The following LPCAT1 variants were observed in gnomAD, a reference collection of about 807,000 sequenced individuals.
The protein encoded by LPCAT1 is lysophosphatidylcholine acyltransferase 1, also known as 1-acylglycerol-3-phosphate O-acyltransferase.
In LPCAT1, 23 loss-of-function variants were observed where a neutral mutation model predicts 60.9. The ratio of observed to expected loss-of-function variants is 0.38; its 90% CI spans 0.27 to 0.53. The LOEUF (loss-of-function observed/expected upper bound fraction) is 0.53. LPCAT1 is among the 20% of genes least tolerant of loss of function. The pLI, the probability that LPCAT1 is intolerant of heterozygous loss-of-function variation, is 0.82. For missense variants in LPCAT1, 622 were observed against 723.6 expected, an observed-to-expected ratio of 0.86 and a Z score of 1.61; for synonymous variants, 340 against 301.1, an observed-to-expected ratio of 1.13 and a Z score of -1.34.
Position 1,483,263 on chromosome 5 carries a change from G to A in LPCAT1, c.726+165C>T, listed in dbSNP as rs1735231827. On this transcript the variant is annotated intron_variant, in intron 6 of 13. Transcript: ENST00000283415. This position sits in a 1 kb window ranked among gnomAD's most constrained non-coding sequence, Gnocchi z 9.2. The stretch of plus-strand genomic sequence containing the variant: ...CGAGCCCAGGGCCCGGGCCTGTCCT[G>A]CCCTCTCCAGCGCTGAGGCCGGATG... Among the ~76,000 whole-genome samples, 1 of 152,168 alleles carries A rather than the reference G, an allele frequency of 6.6e-6. No individual in the cohort carries two copies. Among genetic ancestry groups the A allele is most frequent in the Admixed American group, 6.5e-5 (1 of 15,290 alleles).
At chr5:1,491,130 T>C (rs1412631143) in intron 3 of LPCAT1, among the ~76,000 whole-genome samples, 1 of 128,530 alleles carries the variant, frequency 7.8e-6, no homozygotes, top group East Asian at 2.0e-4. Flanking sequence ...GTCTTTCCTA[T>C]GTCTTGAATC....
At chr5:1,466,211 C>T (rs903924785) in intron 13 of LPCAT1, among the ~76,000 whole-genome samples, 1 of 152,212 alleles carries the variant, frequency 6.6e-6, no homozygotes, top group African/African-American at 2.4e-5. Context: ...ATATCAACCG[C>T]CATTACCGAC....
chr5:1,503,489 T>C (rs1736089794), intron 1 of LPCAT1, among the ~76,000 whole-genome samples: 1 of 152,210 alleles, frequency 6.6e-6, no homozygotes, highest in African/African-American at 2.4e-5. Flanking sequence ...ACGGCCACGG[T>C]CTCTCTAATA....
At position 1,523,492 on chromosome 5, in the gene LPCAT1, G is replaced by C. The variant is rs1266782475; in HGVS notation, c.135+218C>G. Among the ~76,000 whole-genome samples, 2 of 151,510 alleles carry C rather than the reference G, an allele frequency of 1.3e-5. No homozygotes were observed. The highest frequency in any genetic ancestry group is 2.1e-4 in the South Asian group (1 of 4,832). On this transcript the variant is annotated intron_variant, in intron 1 of 13. Transcript: ENST00000283415. This position sits in a 1 kb window ranked among gnomAD's most constrained non-coding sequence, Gnocchi z 7.1. ...AAGGCGCTGAGGGACCAGGATGCGC[G>C]TGCGGGCGGCGGGAAGCCGGCGCCG...
intron 1 of LPCAT1, among the ~76,000 whole-genome samples, chr5:1,519,113 G>T (rs543802823): frequency 6.6e-6 from 1 of 152,226 alleles, no homozygotes; most frequent in Non-Finnish European, 1.5e-5. Flanking sequence ...TCTTTCTCAC[G>T]ATGAAACAGG....
At chr5:1,515,082 G>T (rs1266901376) in intron 1 of LPCAT1, among the ~76,000 whole-genome samples, 1 of 152,062 alleles carries the variant, frequency 6.6e-6, no homozygotes, top group South Asian at 2.1e-4. Context: ...AGCACATCCT[G>T]CATCAGGGGA....
At chr5:1,472,250 G>A (rs1734712051) in intron 11 of LPCAT1, among the ~76,000 whole-genome samples, 1 of 151,372 alleles carries the variant, frequency 6.6e-6, no homozygotes, top group Non-Finnish European at 1.5e-5. Context: ...GAGAGCTGGG[G>A]GTGAGGAGCA....
At chr5:1,472,511 C>G (rs1003841707) in intron 11 of LPCAT1, among the ~76,000 whole-genome samples, 1 of 151,930 alleles carries the variant, frequency 6.6e-6, no homozygotes, top group African/African-American at 2.4e-5. Context: ...GGTCTGAGGT[C>G]CTGGGTGTAA....
chr5:1,501,195 G>A (rs1356339791), intron 2 of LPCAT1, among the ~76,000 whole-genome samples: 1 of 152,246 alleles, frequency 6.6e-6, no homozygotes, highest in Admixed American at 6.5e-5. Flanking sequence ...CTGTGCTCAA[G>A]GGTGTGAAAC....
At position 1,480,206 on chromosome 5, in the gene LPCAT1, C is replaced by T. The variant is rs1012293017; in HGVS notation, c.762-531G>A. 5 of 403,218 alleles carry T rather than the reference C, an allele frequency of 1.2e-5. No individual in the cohort carries two copies. The highest frequency in any genetic ancestry group is 1.6e-4 in the East Asian group (1 of 6,236). 25.0% of individuals were successfully genotyped at this position (403,218 alleles called of 1,614,324 possible). A position where few individuals can be genotyped will look rare whatever the true frequency, so the allele number is the denominator to read the frequency against. ...CATGCCAGCCCCAGCCCTAGGCCCC[C>T]GGGACCCCAGAACCCCTATACCCCC... On this transcript the variant is annotated intron_variant, in intron 7 of 13. Transcript: ENST00000283415. The surrounding 1 kb of genome is among the most constrained non-coding windows in gnomAD (Gnocchi z 6.4).
chr5:1,469,309 C>T (rs893485419), intron 12 of LPCAT1, among the ~76,000 whole-genome samples: 2 of 152,186 alleles, frequency 1.3e-5, no homozygotes, highest in East Asian at 1.9e-4. Context: ...CCCCAGTGGG[C>T]GTCCTCAACC....
At chr5:1,471,625 G>C (rs1734672314) in intron 11 of LPCAT1, among the ~76,000 whole-genome samples, 2 of 151,938 alleles carry the variant, frequency 1.3e-5, no homozygotes, top group Admixed American at 6.5e-5. Context: ...AGCAGGAGAT[G>C]AAGGGCAACC....
chr5:1,509,435 G>T (rs1273201550), intron 1 of LPCAT1, among the ~76,000 whole-genome samples: 1 of 152,260 alleles, frequency 6.6e-6, no homozygotes, highest in East Asian at 1.9e-4. Context: ...GGCGCCTGCT[G>T]TCCAAGGTCT....
Position 1,519,475 on chromosome 5 carries a change from C to T in LPCAT1, c.135+4235G>A, listed in dbSNP as rs147130581. ...TAACCACAACTAAGTTTCACGAGTG[C>T]GTCATTCGGAAAATTCATTCGGAAA... On this transcript the variant is annotated intron_variant, in intron 1 of 13. Coordinates refer to ENST00000283415, the MANE Select transcript of LPCAT1 (RefSeq NM_024830.5). Among the ~76,000 whole-genome samples, 58 of 152,304 alleles carry T rather than the reference C, an allele frequency of 3.8e-4. No individual in the cohort carries two copies. The East Asian group carries it at 7.7e-3, about 20-fold the overall frequency.
chr5:1,515,008 G>A (rs969308986), intron 1 of LPCAT1, among the ~76,000 whole-genome samples: 2 of 152,192 alleles, frequency 1.3e-5, no homozygotes, highest in Non-Finnish European at 1.5e-5. Context: ...AACATCTGCA[G>A]AAAGCCAGTG....
rs1406170832 is a variant in LPCAT1, at chr5:1,523,699, TG to T, written c.135+10del. 3.6e-6 allele frequency: 4 copies of T among 1,102,808 alleles called. No homozygotes were observed. The highest frequency in any genetic ancestry group is 6.5e-5 in the South Asian group (2 of 30,560). The allele number at this position is 1,102,808 out of a possible 1,614,324, so 68.3% of individuals were successfully genotyped here. On this transcript the variant is annotated intron_variant, in intron 1 of 13. Transcript: ENST00000283415. The surrounding 1 kb of genome is among the most constrained non-coding windows in gnomAD (Gnocchi z 7.1). Reference sequence around the variant, plus strand: ...CGCCGGCTCCCGGGGCCGCGCGCCCTGGGCACCCACCTGGGCCTTCTGCAGG... The same window carrying T: ...CGCCGGCTCCCGGGGCCGCGCGCCCTGGCACCCACCTGGGCCTTCTGCAGG...
At chr5:1,484,060 C>T (rs900904207) in intron 5 of LPCAT1, among the ~76,000 whole-genome samples, 4 of 152,250 alleles carry the variant, frequency 2.6e-5, no homozygotes, top group Non-Finnish European at 4.4e-5. Context: ...CCCCACCCGC[C>T]GCCCTCACCT....
At chr5:1,505,240 A>G (rs1216200322) in intron 1 of LPCAT1, among the ~76,000 whole-genome samples, 1 of 150,200 alleles carries the variant, frequency 6.7e-6, no homozygotes, top group African/African-American at 2.5e-5. Flanking sequence ...CTTCCACCAG[A>G]GTGCGGAATA....
At chr5:1,465,704 ACAC>A (rs1302825234) in intron 13 of LPCAT1, among the ~76,000 whole-genome samples, 6 of 152,186 alleles carry the variant, frequency 3.9e-5, no homozygotes, top group Non-Finnish European at 5.9e-5. Context: ...GCACGCACAC[ACAC>A]AACACACATG....
Sources: gnomAD v4.1 joint callset for allele counts (sites outside exome capture counted in the v4.1 genomes callset) on GRCh38, gnomAD v4.1.1 for gene constraint, Gnocchi (gnomAD v3.1) non-coding constraint, MANE v1.5 for transcripts, NCBI Gene and HGNC (gene_info 2026-07-23, HGNC 2026-07-21) for gene names.